The following PRKAG2 variants were observed in gnomAD, a reference collection of about 807,000 sequenced individuals.
PRKAG2 encodes the protein 5'-AMP-activated protein kinase subunit gamma-2.
Under a neutral mutation model 69.6 loss-of-function variants are expected in PRKAG2, and 26 were observed. That is an observed-to-expected ratio of 0.37 (90% CI 0.27 to 0.52). The LOEUF is 0.52. Ranked by LOEUF, PRKAG2 falls within the 20% of genes least tolerant of loss-of-function variation. The pLI is 0.90. For synonymous variants in PRKAG2, 293 were observed against 285.0 expected (o/e 1.03, Z -0.28); for missense variants, 557 against 740.0 (o/e 0.75, Z 2.87).
intron 4 of PRKAG2, among the ~76,000 whole-genome samples, chr7:151,647,656 A>G (rs1827791515): frequency 6.6e-6 from 1 of 152,230 alleles, no homozygotes; most frequent in Non-Finnish European, 1.5e-5. Flanking sequence ...TTTATCTGAG[A>G]GTAGAACATT....
At chr7:151,665,989 T>C (rs1051109249) in intron 4 of PRKAG2, among the ~76,000 whole-genome samples, 1 of 152,188 alleles carries the variant, frequency 6.6e-6, no homozygotes, top group Non-Finnish European at 1.5e-5. Context: ...ACTGACTGAA[T>C]GGCAAAAGAC....
intron 3 of PRKAG2, among the ~76,000 whole-genome samples, chr7:151,755,890 G>C (rs2075049637): frequency 6.6e-6 from 1 of 152,216 alleles, no homozygotes; most frequent in South Asian, 2.1e-4. Flanking sequence ...TTTAGCAGTT[G>C]CTCGTGTTCT....
chr7:151,644,885 G>T (rs903454849), intron 4 of PRKAG2, among the ~76,000 whole-genome samples: 4 of 152,092 alleles, frequency 2.6e-5, no homozygotes, highest in Non-Finnish European at 2.9e-5. Context: ...CATTCTAGTG[G>T]GTGTATAGGT....
chr7:151,636,350 C>T (rs956102291), intron 4 of PRKAG2, among the ~76,000 whole-genome samples: 5 of 152,166 alleles, frequency 3.3e-5, no homozygotes, highest in African/African-American at 1.2e-4. Context: ...CCCTAGGCAA[C>T]TATTTCCTGT....
chr7:151,799,487 G>A (rs927489211), intron 1 of PRKAG2, among the ~76,000 whole-genome samples: 1 of 152,146 alleles, frequency 6.6e-6, no homozygotes, highest in African/African-American at 2.4e-5. Context: ...GGGCACCTTT[G>A]CATCTTGTCT....
intron 4 of PRKAG2, among the ~76,000 whole-genome samples, chr7:151,654,317 C>T (rs191828990): frequency 1.2e-4 from 18 of 152,274 alleles, no homozygotes; most frequent in African/African-American, 3.8e-4. Context: ...TCTTGCACCC[C>T]AGACACAATC....
intron 1 of PRKAG2, among the ~76,000 whole-genome samples, chr7:151,866,390 G>C (rs2151910476): frequency 6.6e-6 from 1 of 152,324 alleles, no homozygotes; most frequent in South Asian, 2.1e-4. Context: ...CTACATTAAG[G>C]ATAATAAGAC....
rs1377398335 is a variant in PRKAG2 at position 151,659,159 on chromosome 7, C to T, written c.684+16261G>A. Among the ~76,000 whole-genome samples, 5 of 152,150 alleles carry T rather than the reference C, an allele frequency of 3.3e-5. No individual in the cohort carries two copies. The East Asian group carries it at 7.7e-4, about 23-fold the overall frequency. ...ACTCAACAAAATATATTTGTAAATA[C>T]AATTCCATCTTCTGACATTGGATCT... On this transcript the variant is annotated intron_variant, in intron 4 of 15. Transcript: ENST00000287878.
At chr7:151,745,750 G>A (rs1420286812) in intron 3 of PRKAG2, among the ~76,000 whole-genome samples, 4 of 152,282 alleles carry the variant, frequency 2.6e-5, no homozygotes, top group Admixed American at 6.5e-5. Flanking sequence ...TTAGCATGCC[G>A]AAATGCAGCA....
intron 6 of PRKAG2, among the ~76,000 whole-genome samples, chr7:151,592,175 C>T (rs1294659539): frequency 1.3e-5 from 2 of 152,252 alleles, no homozygotes; most frequent in African/African-American, 4.8e-5. Flanking sequence ...GAGCCACTGA[C>T]TGATGGAGAA....
Position 151,696,000 on chromosome 7 carries a change from C to T in PRKAG2, c.467-20363G>A, listed in dbSNP as rs370384461. Among the ~76,000 whole-genome samples the T allele has an allele frequency of 1.2e-4, 18 of 152,190 alleles. No homozygotes were observed. In the East Asian group the frequency reaches 2.9e-3, roughly 25 times the overall value. On this transcript the variant is annotated intron_variant, in intron 3 of 15. Coordinates refer to ENST00000287878, the MANE Select transcript of PRKAG2 (RefSeq NM_016203.4). ...ACACGACACCAGCTCTTCAGGGGTC[C>T]GAGGGGGCGGGCCTGATGCCGGCAT...
chr7:151,870,559 C>T (rs940326398), intron 1 of PRKAG2, among the ~76,000 whole-genome samples: 10 of 152,210 alleles, frequency 6.6e-5, no homozygotes, highest in African/African-American at 7.2e-5. Flanking sequence ...CTTCCCTTTG[C>T]GGAGGCTTCC....
intron 15 of PRKAG2, chr7:151,557,584 T>C: frequency 1.0e-6 from 1 of 984,874 alleles, no homozygotes; most frequent in Non-Finnish European, 1.2e-6. Context: ...TAAAAAAAGG[T>C]TTAGGCCGGG....
At chr7:151,755,055 G>C (rs1043402049) in intron 3 of PRKAG2, among the ~76,000 whole-genome samples, 1 of 152,162 alleles carries the variant, frequency 6.6e-6, no homozygotes, top group Non-Finnish European at 1.5e-5. Context: ...AGCCCCGACA[G>C]AGAGTTCTGA....
chr7:151,724,741 C>T (rs1480558743), intron 3 of PRKAG2, among the ~76,000 whole-genome samples: 2 of 152,198 alleles, frequency 1.3e-5, no homozygotes, highest in Admixed American at 6.5e-5. Flanking sequence ...CCCACAAGTG[C>T]GGCTCTCCGC....
At chr7:151,755,742 A>G (rs2075039053) in intron 3 of PRKAG2, among the ~76,000 whole-genome samples, 1 of 152,122 alleles carries the variant, frequency 6.6e-6, no homozygotes, top group Non-Finnish European at 1.5e-5. Flanking sequence ...TTTACAGGAA[A>G]CATTTGTCAA....
intron 3 of PRKAG2, among the ~76,000 whole-genome samples, chr7:151,727,982 A>G (rs957121174): frequency 2.6e-5 from 4 of 152,066 alleles, no homozygotes; most frequent in African/African-American, 9.7e-5. Context: ...GGACGCCCGG[A>G]CACTCCCCCA....
At chr7:151,669,841 C>T (rs1480190404) in intron 4 of PRKAG2, among the ~76,000 whole-genome samples, 1 of 63,120 alleles carries the variant, frequency 1.6e-5, no homozygotes, top group East Asian at 6.8e-4. Context: ...CAGGCACACA[C>T]CTGTGCACAC....
In PRKAG2 at chr7:151,765,304, A is replaced by G. The variant is rs544025406; in HGVS notation, c.466+15848T>C. The stretch of plus-strand genomic sequence containing the variant: ...CATCAGGAAGGAAAGAGTGAAGGGG[A>G]AGTGCTACACACTTTTCAACAACCA... On this transcript the variant is annotated intron_variant, in intron 3 of 15. Coordinates refer to ENST00000287878, the MANE Select transcript of PRKAG2 (RefSeq NM_016203.4). Among the ~76,000 whole-genome samples, 5 of 152,294 alleles carry G rather than the reference A, an allele frequency of 3.3e-5. No homozygotes were observed. In the South Asian group the frequency reaches 1.0e-3, roughly 32 times the overall value.
Sources: allele counts gnomAD v4.1 joint callset (sites outside exome capture counted in the v4.1 genomes callset), GRCh38; gene constraint gnomAD v4.1.1; transcripts MANE v1.5; gene names NCBI Gene and HGNC (gene_info 2026-07-23, HGNC 2026-07-21).